DOCK2: variants seen among roughly 807,000 people sequenced by gnomAD.
DOCK2 encodes the protein dedicator of cytokinesis 2.
Under a neutral mutation model 248.9 loss-of-function variants are expected in DOCK2, and 87 were observed. That is an observed-to-expected ratio of 0.35 (90% CI 0.29 to 0.42). The LOEUF (loss-of-function observed/expected upper bound fraction) is 0.42. Ranked by LOEUF, DOCK2 falls within the 10% of genes least tolerant of loss-of-function variation. The probability of loss-of-function intolerance (pLI) is 1.00; values close to 1 mark genes in which losing one functional copy is unlikely to be tolerated. For synonymous variants in DOCK2, 805 were observed against 821.6 expected (o/e 0.98, Z 0.35); for missense variants, 1,747 against 2,300.2 (o/e 0.76, Z 4.92).
rs531280848 is a variant in DOCK2, at chr5:169,791,329, C to T, written c.2555-11729C>T. ...CTGCAATGCGATGGGGAAGCCCAAC[C>T]GACTATAGTTGAATAAAAAAATGAA... On this transcript the variant is annotated intron_variant, in intron 25 of 51. Transcript: ENST00000520908. Among the ~76,000 whole-genome samples, 7 of 152,078 alleles carry T rather than the reference C, an allele frequency of 4.6e-5. No individual in the cohort carries two copies. The South Asian group carries it at 8.3e-4, about 18-fold the overall frequency.
At chr5:169,942,079 G>A (rs1776266350) in intron 27 of DOCK2, among the ~76,000 whole-genome samples, 1 of 152,222 alleles carries the variant, frequency 6.6e-6, no homozygotes, top group South Asian at 2.1e-4. Flanking sequence ...ATGTGGGCCT[G>A]TCTCTAATTT....
At chr5:169,745,817 T>C (rs78470091) in intron 22 of DOCK2, among the ~76,000 whole-genome samples, 12 of 152,162 alleles carry the variant, frequency 7.9e-5, no homozygotes, top group African/African-American at 2.2e-4. Context: ...CCAAAGCAGA[T>C]TGACTCTAGA....
rs1431325684 is a variant in DOCK2 at position 169,887,333 on chromosome 5, G to T, written c.2799+46481G>T. ...CTTATAAAGATATTATTTGTTCATT[G>T]TAAAAATTCAAATAATACAAATAAA... On this transcript the variant is annotated intron_variant, in intron 27 of 51. Coordinates refer to ENST00000520908, the MANE Select transcript of DOCK2 (RefSeq NM_004946.3). Among the ~76,000 whole-genome samples the T allele has an allele frequency of 2.0e-5, 3 of 151,998 alleles. No homozygotes were observed. In the East Asian group the frequency reaches 5.8e-4, roughly 29 times the overall value.
rs1230860539 is a variant in DOCK2, at chr5:169,714,591, A to C, written c.1941+134A>C. The C allele has an allele frequency of 6.7e-6, 6 of 895,496 alleles. No homozygotes were observed. In the East Asian group the frequency reaches 1.6e-4, roughly 24 times the overall value. 55.5% of individuals were successfully genotyped at this position (895,496 alleles called of 1,614,324 possible). A position where few individuals can be genotyped will look rare whatever the true frequency, so the allele number is the denominator to read the frequency against. On this transcript the variant is annotated intron_variant, in intron 19 of 51. Coordinates refer to ENST00000520908, the MANE Select transcript of DOCK2 (RefSeq NM_004946.3). ...TCCAACAGTAGGATACACTCTCCCG[A>C]GTTGCCTTGAGGAATCTTTATTGGG...
chr5:170,066,013 G>A lies in DOCK2; in HGVS notation c.4468-1497G>A, dbSNP rs147940353. 9.5e-3 allele frequency among the ~76,000 whole-genome samples: 1,408 copies of A among 148,202 alleles called. 76 individuals are homozygous for A. The highest frequency in any genetic ancestry group is 0.085 in the Admixed American group (1,255 of 14,788). ...GTCGCCGAGGCTGGAGTGTAGTGGCGCGAACTCAGCTCACTGCAAGCTCCG... is the reference window on the plus strand; with the variant it reads ...GTCGCCGAGGCTGGAGTGTAGTGGCACGAACTCAGCTCACTGCAAGCTCCG... On this transcript the variant is annotated intron_variant, in intron 44 of 51. Transcript: ENST00000520908.
At chr5:169,957,139 A>G (rs1776903042) in intron 27 of DOCK2, among the ~76,000 whole-genome samples, 1 of 152,160 alleles carries the variant, frequency 6.6e-6, no homozygotes, top group Non-Finnish European at 1.5e-5. Flanking sequence ...GGCAGGGACT[A>G]TGTGTGATTT....
intron 6 of DOCK2, among the ~76,000 whole-genome samples, chr5:169,676,071 G>A (rs999512684): frequency 6.6e-6 from 1 of 152,138 alleles, no homozygotes; most frequent in Non-Finnish European, 1.5e-5. Flanking sequence ...TGACATCTAC[G>A]ACCTTCAAAT....
At chr5:169,989,385 C>T (rs1186788188) in intron 29 of DOCK2, among the ~76,000 whole-genome samples, 1 of 152,202 alleles carries the variant, frequency 6.6e-6, no homozygotes, top group Non-Finnish European at 1.5e-5. Context: ...CTGCACCTCA[C>T]TCTAGAAATC....
chr5:169,717,264 A>T (rs1346736038), intron 20 of DOCK2, 120 bp from the exon 21 acceptor site: 1 of 746,416 alleles, frequency 1.3e-6, no homozygotes, highest in African/African-American at 1.7e-5. Flanking sequence ...AGAACTCATT[A>T]TGTATTAGTG....
In DOCK2 at chr5:169,670,578, G is replaced by C; in HGVS notation, c.205G>C (p.Val69Leu). ...FPKSFIHIKE[V>L]TVEKRRNTEN... is the part of the protein sequence containing the mutation. Reference sequence around the variant, plus strand: ...TAAGTCATTTATCCACATCAAGGAAGTGACAGTTGAGAAAAGAAGGTATTT... The same window carrying C: ...TAAGTCATTTATCCACATCAAGGAACTGACAGTTGAGAAAAGAAGGTATTT... Residue 69 changes from valine (V) to leucine (L), a missense_variant, in exon 4 of 52, where the codon GTG becomes CTG. Coordinates refer to ENST00000520908, the MANE Select transcript of DOCK2 (RefSeq NM_004946.3). The C allele has an allele frequency of 6.2e-7, 1 of 1,613,964 alleles. No individual in the cohort carries two copies. Among genetic ancestry groups the C allele is most frequent in the Non-Finnish European group, 8.5e-7 (1 of 1,179,974 alleles).
chr5:169,698,584 G>T, intron 11 of DOCK2, 135 bp downstream of exon 11: 1 of 889,048 alleles, frequency 1.1e-6, no homozygotes, highest in East Asian at 2.7e-5. Context: ...CTCAGGGTGA[G>T]AATCACTGGC....
intron 26 of DOCK2, among the ~76,000 whole-genome samples, chr5:169,830,671 T>C (rs888040656): frequency 1.6e-4 from 24 of 152,218 alleles, no homozygotes; most frequent in African/African-American, 5.5e-4. Flanking sequence ...TTTCACTACA[T>C]TTTAATAAAA....
intron 22 of DOCK2, among the ~76,000 whole-genome samples, chr5:169,745,897 G>A (rs768237346): frequency 1.1e-4 from 16 of 152,168 alleles, no homozygotes; most frequent in Non-Finnish European, 1.8e-4. Flanking sequence ...TGTAAAAGCC[G>A]GGGTGGGGGT....
intron 25 of DOCK2, among the ~76,000 whole-genome samples, chr5:169,795,360 G>T (rs1490288537): frequency 6.6e-6 from 1 of 152,152 alleles, no homozygotes; most frequent in Non-Finnish European, 1.5e-5. Context: ...TTGTTTAGCT[G>T]GGAGATACAT....
chr5:169,890,023 C>T (rs1458545573), intron 27 of DOCK2, among the ~76,000 whole-genome samples: 1 of 152,218 alleles, frequency 6.6e-6, no homozygotes, highest in South Asian at 2.1e-4. Context: ...CATGTAATCC[C>T]CACTAGGGAG....
intron 23 of DOCK2, among the ~76,000 whole-genome samples, chr5:169,748,811 T>C (rs538385685): frequency 1.9e-4 from 29 of 152,256 alleles, no homozygotes; most frequent in Admixed American, 3.9e-4. Flanking sequence ...TTAAAAATGA[T>C]TTAAACCAAA....
At chr5:169,753,583 G>T (rs944366511) in intron 23 of DOCK2, among the ~76,000 whole-genome samples, 5 of 152,160 alleles carry the variant, frequency 3.3e-5, no homozygotes, top group African/African-American at 4.8e-5. Context: ...TTAAATTTTG[G>T]CTGTGTAAGT....
At chr5:169,988,318 T>A (rs535301555) in intron 29 of DOCK2, among the ~76,000 whole-genome samples, 1 of 152,156 alleles carries the variant, frequency 6.6e-6, no homozygotes, top group Non-Finnish European at 1.5e-5. Flanking sequence ...AGGCTTTACA[T>A]GAAATTAGTT....
At chr5:169,855,878 A>T (rs969417119) in intron 27 of DOCK2, among the ~76,000 whole-genome samples, 2 of 152,230 alleles carry the variant, frequency 1.3e-5, no homozygotes, top group African/African-American at 4.8e-5. Flanking sequence ...TGGCTAATTT[A>T]TAAAGAAAAG....
Sources: allele counts gnomAD v4.1 joint callset (sites outside exome capture counted in the v4.1 genomes callset), GRCh38; gene constraint gnomAD v4.1.1; transcripts MANE v1.5; gene names NCBI Gene and HGNC (gene_info 2026-07-23, HGNC 2026-07-21).